The following WDR64 variants were observed in gnomAD, a reference collection of about 807,000 sequenced individuals.
WDR64 encodes the protein WD repeat domain 64, also known as WD repeat-containing protein 64.
In WDR64, 112 loss-of-function variants were observed where a neutral mutation model predicts 139.3. The ratio of observed to expected loss-of-function variants is 0.80; its 90% confidence interval spans 0.69 to 0.94. The LOEUF (loss-of-function observed/expected upper bound fraction) is 0.94. WDR64 is among the 40% of genes least tolerant of loss of function. The pLI, the probability that WDR64 is intolerant of heterozygous loss-of-function variation, is 0.00. For synonymous variants in WDR64, 444 were observed against 437.7 expected, an observed-to-expected ratio of 1.01 and a Z score of -0.18; for missense variants, 1,206 against 1,293.1, an observed-to-expected ratio of 0.93 and a Z score of 1.03.
intron 2 of WDR64, among the ~76,000 whole-genome samples, chr1:241,667,350 G>T (rs75220704): frequency 0.091 from 13,921 of 152,148 alleles, 862 homozygotes; most frequent in East Asian, 0.2. Flanking sequence ...TAAAATGAGG[G>T]TGTGACTGGC....
At chr1:241,782,379 C>T (rs6667348) in intron 22 of WDR64, among the ~76,000 whole-genome samples, 2 of 152,084 alleles carry the variant, frequency 1.3e-5, no homozygotes, top group Admixed American at 6.5e-5. Flanking sequence ...CAAATTTAGG[C>T]GGAATTGCGC....
rs1264287452 is a variant in WDR64, at chr1:241,687,932, G to A, written c.974+337G>A. On this transcript the variant is annotated intron_variant, in intron 8 of 27. Coordinates refer to ENST00000437684, the MANE Select transcript of WDR64 (RefSeq NM_001367482.1). ...TTAAAATCATTCTTACAGGTCAGTT[G>A]GCTAACCAAGAGCTTGTGAGTATGA... is the stretch of plus-strand genomic sequence containing the variant. 3.1e-4 allele frequency among the ~76,000 whole-genome samples: 47 copies of A among 152,156 alleles called. 1 individual carries two copies. Among genetic ancestry groups the A allele is most frequent in the Admixed American group, 3.1e-3 (47 of 15,266 alleles).
chr1:241,665,353 A>T (rs377422543), intron 2 of WDR64, among the ~76,000 whole-genome samples: 2 of 152,346 alleles, frequency 1.3e-5, no homozygotes. Flanking sequence ...CATCTGTAAA[A>T]TGGAAATTCA....
chr1:241,739,178 C>T (rs1669441102), intron 11 of WDR64, among the ~76,000 whole-genome samples: 1 of 152,188 alleles, frequency 6.6e-6, no homozygotes, highest in Non-Finnish European at 1.5e-5. Flanking sequence ...CTTGTGGCCT[C>T]TTAGAAAGAC....
At position 241,681,114 on chromosome 1, in the gene WDR64, A is replaced by C. The variant is rs116798461; in HGVS notation, c.624+1519A>C. 7.2e-3 allele frequency among the ~76,000 whole-genome samples: 1,097 copies of C among 151,938 alleles called. 14 individuals are homozygous for C. The highest frequency in any genetic ancestry group is 0.017 in the Middle Eastern group (5 of 294). The stretch of plus-strand genomic sequence containing the variant: ...TCTCTCTCTCTCTCTCTCTTTAAAA[A>C]TTGTTTAAATTTTTTTATTTCCATA... On this transcript the variant is annotated intron_variant, in intron 6 of 27. Coordinates refer to ENST00000437684, the MANE Select transcript of WDR64 (RefSeq NM_001367482.1).
At position 241,757,730 on chromosome 1, in the gene WDR64, T is replaced by C. The variant is rs145813515; in HGVS notation, c.1947+271T>C. Among the ~76,000 whole-genome samples the C allele has an allele frequency of 8.5e-3, 1,252 of 146,448 alleles. 24 individuals are homozygous for C. The highest frequency in any genetic ancestry group is 0.03 in the African/African-American group (1,195 of 39,960). On this transcript the variant is annotated intron_variant, in intron 15 of 27. Transcript: ENST00000437684. ...AACACCTGGGCTCAAGTGACCCTCC[T>C]GCCTCAGCCCCCCAGAACGCTGGAA...
chr1:241,766,257 T>C lies in WDR64; in HGVS notation c.1987T>C (p.Leu663=), dbSNP rs1259475574. Residue 663 remains leucine, a synonymous_variant, in exon 16 of 28, where the codon TTA becomes CTA. Coordinates refer to ENST00000437684, the MANE Select transcript of WDR64 (RefSeq NM_001367482.1). ...TTTATTACGAGTGAACTGCATTGAT[T>C]TACTACAAGTAGAAGGATATAATTT... ...MDLLRVNCID[L]LQVEGYNLIA... 3 of 1,614,026 alleles carry C rather than the reference T, an allele frequency of 1.9e-6. No individual in the cohort carries two copies. Among genetic ancestry groups the C allele is most frequent in the East Asian group, 4.5e-5 (2 of 44,890 alleles).
chr1:241,701,510 A>G (rs1667710262), intron 8 of WDR64, among the ~76,000 whole-genome samples: 1 of 152,230 alleles, frequency 6.6e-6, no homozygotes, highest in African/African-American at 2.4e-5. Context: ...AACCAGTGCA[A>G]TCTGATCTTT....
intron 9 of WDR64, among the ~76,000 whole-genome samples, chr1:241,720,364 T>C (rs985904594): frequency 6.6e-6 from 1 of 152,128 alleles, no homozygotes; most frequent in Non-Finnish European, 1.5e-5. Flanking sequence ...CCCTAGATAT[T>C]TGAGGAATCG....
Position 241,741,552 on chromosome 1 carries a change from TGATACAA to T in WDR64, c.1366_1372del (p.Asp456AsnfsTer31), listed in dbSNP as rs1169242852. The T allele has an allele frequency of 6.2e-7, 1 of 1,613,108 alleles. No homozygotes were observed. On this transcript the variant is annotated frameshift_variant, in exon 12 of 28. Coordinates refer to ENST00000437684, the MANE Select transcript of WDR64 (RefSeq NM_001367482.1). LOFTEE classifies it high-confidence loss of function. The stretch of plus-strand genomic sequence containing the variant: ...ATGGACATGTATCCTTTGACTAGGA[TGATACAA>T]GATACAAAACAGGTTCCTCACACTC...
intron 15 of WDR64, among the ~76,000 whole-genome samples, chr1:241,759,246 T>A (rs771397924): frequency 2.1e-4 from 32 of 152,096 alleles, no homozygotes; most frequent in Non-Finnish European, 3.5e-4. Context: ...GTCCTTAGGG[T>A]ATATAGCATG....
intron 10 of WDR64, among the ~76,000 whole-genome samples, chr1:241,733,535 A>G (rs1037575733): frequency 5.3e-5 from 8 of 151,968 alleles, no homozygotes; most frequent in African/African-American, 1.9e-4. Flanking sequence ...TACTGCTACT[A>G]GAAGATAAAT....
intron 26 of WDR64, among the ~76,000 whole-genome samples, chr1:241,795,935 T>C (rs1659350119): frequency 6.6e-6 from 1 of 152,146 alleles, no homozygotes; most frequent in Non-Finnish European, 1.5e-5. Flanking sequence ...GGGTGAACTA[T>C]CAAGATTTAG....
At chr1:241,694,355 T>C (rs963616365) in intron 8 of WDR64, among the ~76,000 whole-genome samples, 5 of 152,170 alleles carry the variant, frequency 3.3e-5, no homozygotes, top group Non-Finnish European at 7.4e-5. Context: ...GTATAACATA[T>C]TGCACTGAAA....
chr1:241,776,533 T>C (rs995122363), intron 21 of WDR64, among the ~76,000 whole-genome samples: 1 of 152,180 alleles, frequency 6.6e-6, no homozygotes, highest in Non-Finnish European at 1.5e-5. Flanking sequence ...CTGGAGTTTT[T>C]TGGGTTTTGT....
intron 2 of WDR64, among the ~76,000 whole-genome samples, chr1:241,662,208 G>T (rs983471684): frequency 2.6e-5 from 4 of 152,122 alleles, no homozygotes; most frequent in Non-Finnish European, 4.4e-5. Flanking sequence ...GCAATGAGAA[G>T]AAATATATAT....
chr1:241,653,025 T>G (rs1008546943), intron 1 of WDR64, among the ~76,000 whole-genome samples: 5 of 152,212 alleles, frequency 3.3e-5, no homozygotes, highest in Non-Finnish European at 5.9e-5. Context: ...AAGACTTTCA[T>G]AAGAAGTGCA....
At chr1:241,747,998 C>G (rs1669829002) in intron 13 of WDR64, among the ~76,000 whole-genome samples, 2 of 152,182 alleles carry the variant, frequency 1.3e-5, no homozygotes, top group African/African-American at 4.8e-5. Flanking sequence ...CATTCCCATG[C>G]TCCTCACAGA....
chr1:241,717,570 T>C (rs1172582515), intron 9 of WDR64, among the ~76,000 whole-genome samples: 2 of 151,730 alleles, frequency 1.3e-5, no homozygotes, highest in African/African-American at 4.8e-5. Flanking sequence ...GAAAATCCTC[T>C]CTTTGATATG....
Sources: gnomAD v4.1 joint callset for allele counts (sites outside exome capture counted in the v4.1 genomes callset) on GRCh38, gnomAD v4.1.1 for gene constraint, MANE v1.5 for transcripts, NCBI Gene and HGNC (gene_info 2026-07-23, HGNC 2026-07-21) for gene names.